XPO1: variants seen among roughly 807,000 people sequenced by gnomAD.
XPO1 encodes the protein exportin-1.
A neutral mutation model predicts 133.3 loss-of-function variants in XPO1; 5 were observed. The observed-to-expected ratio is 0.04, with a 90% CI of 0.02 to 0.08. XPO1 has a LOEUF of 0.08. Among genes scored for constraint, XPO1 ranks in the 10% least tolerant of loss-of-function variants. The pLI, the probability that XPO1 is intolerant of heterozygous loss-of-function variation, is 1.00. For synonymous variants in XPO1, 419 were observed against 408.2 expected, an observed-to-expected ratio of 1.03 and a Z score of -0.32; for missense variants, 506 against 1,267.5, an observed-to-expected ratio of 0.40 and a Z score of 9.12.
intron 17 of XPO1, among the ~76,000 whole-genome samples, chr2:61,489,560 TTTTTTTTTTTTTGGG>T (rs1222775820): frequency 7.3e-6 from 1 of 137,332 alleles, no homozygotes; most frequent in Non-Finnish European, 1.5e-5. Context: ...TATAGTTCTA[TTTTTTTTTTTTTGGG>T]ACGGAGTCTC....
chr2:61,515,940 C>A (rs1239539850), intron 4 of XPO1, among the ~76,000 whole-genome samples: 135 of 49,494 alleles, frequency 2.7e-3, no homozygotes, highest in Non-Finnish European at 3.1e-3. Flanking sequence ...AAAAAAACCA[C>A]ACACACACAC....
intron 16 of XPO1, among the ~76,000 whole-genome samples, chr2:61,491,496 A>ACACACACACACCC (rs1491477036): frequency 6.8e-6 from 1 of 147,250 alleles, no homozygotes; most frequent in African/African-American, 2.6e-5. Flanking sequence ...ACACACACAC[A>ACACACACACACCC]CCCCAAAACA....
At chr2:61,514,374 C>T (rs866704308) in intron 4 of XPO1, among the ~76,000 whole-genome samples, 6 of 152,012 alleles carry the variant, frequency 3.9e-5, no homozygotes, top group Middle Eastern at 3.4e-3. Flanking sequence ...GGGCTGATTA[C>T]CAGGTCAGGA....
At chr2:61,483,226 C>T (rs1696490418) in intron 21 of XPO1, 135 bp from the exon 22 acceptor site, 2 of 891,848 alleles carry the variant, frequency 2.2e-6, no homozygotes, top group East Asian at 5.2e-5. Flanking sequence ...TAATTACTTG[C>T]ATAAGGTTTC....
chr2:61,519,723 A>AAAAAAAC (rs1298046130), intron 4 of XPO1, among the ~76,000 whole-genome samples: 4 of 144,402 alleles, frequency 2.8e-5, no homozygotes, highest in African/African-American at 1.0e-4. Context: ...AAAAAAAAAA[A>AAAAAAAC]CACCACGTAA....
chr2:61,511,363 G>C (rs1484224526), intron 4 of XPO1, among the ~76,000 whole-genome samples: 1 of 152,042 alleles, frequency 6.6e-6, no homozygotes, highest in East Asian at 1.9e-4. Flanking sequence ...CCAACCTCAG[G>C]TGATCTGCCT....
Position 61,517,851 on chromosome 2 carries a change from G to A in XPO1, c.301+4760C>T, listed in dbSNP as rs368837747. Among the ~76,000 whole-genome samples the A allele has an allele frequency of 7.9e-5, 12 of 152,256 alleles. No individual in the cohort carries two copies. The East Asian group carries it at 1.9e-3, about 25-fold the overall frequency. On this transcript the variant is annotated intron_variant, in intron 4 of 24. Coordinates refer to ENST00000401558, the MANE Select transcript of XPO1 (RefSeq NM_003400.4). ...AGCTACTCTCAAGGCTGAGGCAAGA[G>A]GGCAGGATGCAATGGCTCACGCCTA...
Position 61,495,618 on chromosome 2 carries a change from A to T in XPO1, c.889-5T>A. On this transcript the variant is annotated splice_polypyrimidine_tract_variant and splice_region_variant and intron_variant, in intron 10 of 24. Coordinates refer to ENST00000401558, the MANE Select transcript of XPO1 (RefSeq NM_003400.4). Reference sequence around the variant, plus strand: ...ATTGGTATTTAAAGGAAGCATCTGCAAATTTTAAAAGGGACGATCAGTTCG... The same window carrying T: ...ATTGGTATTTAAAGGAAGCATCTGCTAATTTTAAAAGGGACGATCAGTTCG... 6.4e-7 allele frequency: 1 copy of T among 1,552,428 alleles called. No individual in the cohort carries two copies. The highest frequency in any genetic ancestry group is 8.7e-7 in the Non-Finnish European group (1 of 1,145,942).
Position 61,478,894 on chromosome 2 carries a change from C to T in XPO1, c.3142G>A (p.Glu1048Lys), listed in dbSNP as rs780767797. The change falls in exon 25 of 25, where the codon GAG (glutamate) becomes AAG (lysine). Residue 1048 changes from glutamate to lysine, a missense_variant. Around this residue, in one of 6 missense-constraint regions of XPO1, gnomAD observed 203 missense variants for 365.9 expected, o/e 0.55. Coordinates refer to ENST00000401558, the MANE Select transcript of XPO1 (RefSeq NM_003400.4). ...ACAGACATTTGACGTTTATGTTTCT[C>T]TTCATCAGCCTGCCGTAGGGCTATT... ...REIALRQADE[E>K]KHKRQMSVPG... is the part of the protein sequence containing the mutation. 6.2e-7 allele frequency: 1 copy of T among 1,614,176 alleles called. No homozygotes were observed. Among genetic ancestry groups the T allele is most frequent in the Non-Finnish European group, 8.5e-7 (1 of 1,180,036 alleles).
At chr2:61,536,999 G>C (rs936050190) in intron 1 of XPO1, 1 of 152,180 alleles carries the variant, frequency 6.6e-6, no homozygotes, top group Non-Finnish European at 1.5e-5. Flanking sequence ...GCAGGCCCCT[G>C]AAAAACTGAT....
In XPO1 at chr2:61,484,047, T is replaced by C. The variant is rs768499033; in HGVS notation, c.2567A>G (p.Asn856Ser). 6.8e-6 allele frequency: 11 copies of C among 1,613,842 alleles called. No individual in the cohort carries two copies. Among genetic ancestry groups the C allele is most frequent in the Non-Finnish European group, 9.3e-6 (11 of 1,179,892 alleles). Residue 856 changes from asparagine (N) to serine (S), a missense_variant, in exon 21 of 25, where the codon AAT becomes AGT. Coordinates refer to ENST00000401558, the MANE Select transcript of XPO1 (RefSeq NM_003400.4). ...AAGGAATGCTGGGAAACAATGAGAATTGACAGCCTGAAGTAGTAAGAAAAA... is the reference window on the plus strand; with the variant it reads ...AAGGAATGCTGGGAAACAATGAGAACTGACAGCCTGAAGTAGTAAGAAAAA... Reference protein sequence around the residue: ...TNFFLLLQAVNSHCFPAFLAI... With the variant: ...TNFFLLLQAVSSHCFPAFLAI...
intron 4 of XPO1, among the ~76,000 whole-genome samples, chr2:61,517,303 T>C (rs1349960871): frequency 6.6e-6 from 1 of 152,180 alleles, no homozygotes; most frequent in African/African-American, 2.4e-5. Context: ...ACTTCAGTGA[T>C]GGCTAGGAGT....
Position 61,483,920 on chromosome 2 carries a change from GA to G in XPO1, c.2677+16del, listed in dbSNP as rs1360372823. ...TGGATTGGCAGGCAAATGAATAAAA[GA>G]ACATCTTTTATTTACCCGTATCTGC... On this transcript the variant is annotated intron_variant, in intron 21 of 24. Coordinates refer to ENST00000401558, the MANE Select transcript of XPO1 (RefSeq NM_003400.4). The G allele has an allele frequency of 6.2e-7, 1 of 1,608,150 alleles. No individual in the cohort carries two copies. Among genetic ancestry groups the G allele is most frequent in the Admixed American group, 1.7e-5 (1 of 58,568 alleles).
At position 61,492,297 on chromosome 2, in the gene XPO1, G is replaced by C. The variant is rs2104429417; in HGVS notation, c.1723+28C>G. 1 of 1,581,834 alleles carries C rather than the reference G, an allele frequency of 6.3e-7. No homozygotes were observed. Among genetic ancestry groups the C allele is most frequent in the Non-Finnish European group, 8.5e-7 (1 of 1,169,846 alleles). ...TTTATTTTCTTCAATAAAAATAAAA[G>C]CAAAATATAGTAAAGAAAGAGATTT... On this transcript the variant is annotated intron_variant, in intron 15 of 24. Transcript: ENST00000401558. This position sits in a 1 kb window ranked among gnomAD's most constrained non-coding sequence, Gnocchi z 5.6.
chr2:61,483,652 A>T (rs965283998), intron 21 of XPO1: 4 of 275,148 alleles, frequency 1.5e-5, no homozygotes, highest in Non-Finnish European at 2.7e-5. Context: ...CTGAAAGCTC[A>T]GCTGATTCTA....
At chr2:61,479,364 A>C (rs1313746374) in intron 24 of XPO1, among the ~76,000 whole-genome samples, 1 of 152,042 alleles carries the variant, frequency 6.6e-6, no homozygotes, top group East Asian at 1.9e-4. Flanking sequence ...AGGCAGGAGA[A>C]TCACTTGAAC....
In XPO1 at chr2:61,481,158, T is replaced by C. The variant is rs1404818508; in HGVS notation, c.3069+27A>G. On this transcript the variant is annotated intron_variant, in intron 24 of 24. Coordinates refer to ENST00000401558, the MANE Select transcript of XPO1 (RefSeq NM_003400.4). ...AAAGTGGTCACATCTACCCCTAATA[T>C]TTCTGCAAGAGCAAATAAATACATA... The C allele has an allele frequency of 4.6e-6, 7 of 1,526,118 alleles. No individual in the cohort carries two copies. The East Asian group carries it at 6.9e-5, about 15-fold the overall frequency. 94.5% of individuals were successfully genotyped at this position (1,526,118 alleles called of 1,614,324 possible).
At chr2:61,506,296 G>A (rs1339967353) in intron 4 of XPO1, among the ~76,000 whole-genome samples, 6 of 152,080 alleles carry the variant, frequency 3.9e-5, no homozygotes, top group Admixed American at 1.3e-4. Context: ...GGTGGCACGC[G>A]CCTATAATCC....
chr2:61,505,482 C>T (rs566923831), intron 4 of XPO1, among the ~76,000 whole-genome samples: 100 of 150,782 alleles, frequency 6.6e-4, no homozygotes, highest in African/African-American at 2.3e-3. Flanking sequence ...ACGGCCGCCT[C>T]CTGGGTTCAA....
Sources: allele counts gnomAD v4.1 joint callset (sites outside exome capture counted in the v4.1 genomes callset), GRCh38; gene constraint gnomAD v4.1.1; regional missense constraint gnomAD v4.1.1; non-coding constraint Gnocchi (gnomAD v3.1); transcripts MANE v1.5; gene names NCBI Gene and HGNC (gene_info 2026-07-23, HGNC 2026-07-21).